Variants in ZNF175 observed in about 807,000 individuals in gnomAD.
ZNF175 encodes the protein zinc finger protein 175.
Under a neutral mutation model 14.0 loss-of-function variants are expected in ZNF175, and 8 were observed. That is an observed-to-expected ratio of 0.57 (90% CI 0.34 to 1.03). ZNF175 has a LOEUF of 1.03. Among genes scored for constraint, ZNF175 ranks in the 50% least tolerant of loss-of-function variants. The pLI is 0.03. For missense variants in ZNF175, 764 were observed against 849.5 expected, an observed-to-expected ratio of 0.90 and a Z score of 1.25; for synonymous variants, 255 against 296.8, an observed-to-expected ratio of 0.86 and a Z score of 1.45.
rs546797340 is a variant in ZNF175 at position 51,573,149 on chromosome 19, G to A, written c.-180-1G>A. On this transcript the variant is annotated splice_acceptor_variant, in intron 1 of 4. Transcript: ENST00000262259. LOFTEE classifies it low-confidence loss of function (5UTR_SPLICE). ...GACCATGTACTCATTGCTTTTCCAA[G>A]GCTTCTGCAGAACCCCCAGGTCAGG... 1 of 642,858 alleles carries A rather than the reference G, an allele frequency of 1.6e-6. No homozygotes were observed. Among genetic ancestry groups the A allele is most frequent in the East Asian group, 2.9e-5 (1 of 34,860 alleles). 39.8% of individuals were successfully genotyped at this position (642,858 alleles called of 1,614,324 possible).
intron 2 of ZNF175, among the ~76,000 whole-genome samples, chr19:51,577,895 C>A (rs1304906405): frequency 3.3e-5 from 5 of 151,252 alleles, no homozygotes; most frequent in Non-Finnish European, 7.4e-5. Context: ...AATCTCCTGA[C>A]CTCGTGATCC....
chr19:51,573,750 C>T (rs1568572151), intron 2 of ZNF175: 1 of 384,962 alleles, frequency 2.6e-6, no homozygotes, highest in Non-Finnish European at 4.5e-6. Flanking sequence ...CAAGTGGTCC[C>T]CCCCACCAAA....
At chr19:51,574,179 TAATA>T (rs974373891) in intron 2 of ZNF175, 1 of 152,224 alleles carries the variant, frequency 6.6e-6, no homozygotes, top group African/African-American at 2.4e-5. Context: ...AAAAAAAGTA[TAATA>T]AATATGTGTG....
chr19:51,573,383 G>T lies in ZNF175; in HGVS notation c.54G>T (p.Lys18Asn). Residue 18 changes from lysine (K) to asparagine (N), a missense_variant, in exon 2 of 5, where the codon AAG becomes AAT. Physicochemically the swap from Lys to Asn is moderately conservative, Grantham distance 94. Transcript: ENST00000262259. The stretch of plus-strand genomic sequence containing the variant: ...AGCCTCAGGTCCTGGGTCCAGAGAA[G>T]CAGGATGGATCTTGCGAGGTAAACA... Reference protein sequence around the residue: ...SQKPQVLGPEKQDGSCEASVS... With the variant: ...SQKPQVLGPENQDGSCEASVS... 1 of 1,612,508 alleles carries T rather than the reference G, an allele frequency of 6.2e-7. No individual in the cohort carries two copies. The highest frequency in any genetic ancestry group is 1.1e-5 in the South Asian group (1 of 90,840).
In ZNF175 at chr19:51,588,080, T is replaced by C. The variant is rs937656341; in HGVS notation, c.1749T>C (p.Gly583=). 8 of 1,613,204 alleles carry C rather than the reference T, an allele frequency of 5.0e-6. No homozygotes were observed. The highest frequency in any genetic ancestry group is 6.8e-6 in the Non-Finnish European group (8 of 1,179,828). The change falls in exon 5 of 5, where the codon GGT becomes GGC. Residue 583 remains glycine, a synonymous_variant. Coordinates refer to ENST00000262259, the MANE Select transcript of ZNF175 (RefSeq NM_007147.4). ...QFKEHQRIHT[G]EKPYVCTECG... Reference sequence around the variant, plus strand: ...AAGAGCATCAGCGAATTCACACGGGTGAGAAACCCTATGTGTGCACTGAAT... The same window carrying C: ...AAGAGCATCAGCGAATTCACACGGGCGAGAAACCCTATGTGTGCACTGAAT...
chr19:51,577,041 CAAAAAA>C (rs1471217025), intron 2 of ZNF175, among the ~76,000 whole-genome samples: 1 of 151,464 alleles, frequency 6.6e-6, no homozygotes, highest in Admixed American at 6.6e-5. Flanking sequence ...CATCCTGTCT[CAAAAAA>C]CAAAAACGAA....
rs1982315451 is a variant in ZNF175 at position 51,590,481 on chromosome 19, T to G, written c.*2014T>G. The stretch of plus-strand genomic sequence containing the variant: ...GAGATTTCTGTCAGCTGGAAGTCTT[T>G]TCCAGAAGGGTGTTAGAGATGGGCA... On this transcript the variant is annotated 3_prime_UTR_variant, in exon 5 of 5. Transcript: ENST00000262259. 6.6e-6 allele frequency: 1 copy of G among 152,262 alleles called. No homozygotes were observed. Among genetic ancestry groups the G allele is most frequent in the Non-Finnish European group, 1.5e-5 (1 of 68,110 alleles). The allele number at this position is 152,262 out of a possible 1,614,324, so 9.4% of individuals were successfully genotyped here.
In ZNF175 at chr19:51,590,591, T is replaced by A. The variant is rs547837204; in HGVS notation, c.*2124T>A. 3 of 152,330 alleles carry A rather than the reference T, an allele frequency of 2.0e-5. No homozygotes were observed. The highest frequency in any genetic ancestry group is 7.2e-5 in the African/African-American group (3 of 41,526). The allele number at this position is 152,330 out of a possible 1,614,324, so 9.4% of individuals were successfully genotyped here. ...GAACCAGCACAGACCTCAGGCTGTG[T>A]CTAAAACAAGGTGACTGCACATGCA... On this transcript the variant is annotated 3_prime_UTR_variant, in exon 5 of 5. Coordinates refer to ENST00000262259, the MANE Select transcript of ZNF175 (RefSeq NM_007147.4).
At chr19:51,571,860 C>G (rs1297919846) in intron 1 of ZNF175, among the ~76,000 whole-genome samples, 1 of 152,064 alleles carries the variant, frequency 6.6e-6, no homozygotes, top group Non-Finnish European at 1.5e-5. Flanking sequence ...TCTCAGGGGA[C>G]CAGTGATGGG....
chr19:51,581,171 T>C (rs1487498067), intron 2 of ZNF175, among the ~76,000 whole-genome samples: 1 of 151,442 alleles, frequency 6.6e-6, no homozygotes, highest in Non-Finnish European at 1.5e-5. Context: ...GGCCTCATTT[T>C]TGAAAAAAAA....
At chr19:51,573,801 G>A (rs921141018) in intron 2 of ZNF175, 2 of 309,038 alleles carry the variant, frequency 6.5e-6, no homozygotes, top group East Asian at 5.2e-5. Context: ...TTTTTCCTCT[G>A]TTCTCATAAG....
chr19:51,575,920 T>C (rs914568574), intron 2 of ZNF175, among the ~76,000 whole-genome samples: 26 of 152,348 alleles, frequency 1.7e-4, no homozygotes, highest in African/African-American at 5.8e-4. Context: ...TTTGTGATTA[T>C]GACTGTGTAA....
At chr19:51,572,836 C>T (rs1981639963) in intron 1 of ZNF175, among the ~76,000 whole-genome samples, 1 of 152,198 alleles carries the variant, frequency 6.6e-6, no homozygotes, top group Non-Finnish European at 1.5e-5. Flanking sequence ...GCCAGGCAGG[C>T]ACTGAGGACT....
Position 51,587,620 on chromosome 19 carries a change from A to T in ZNF175, c.1289A>T (p.Gln430Leu), listed in dbSNP as rs983909244. 6.2e-7 allele frequency: 1 copy of T among 1,613,668 alleles called. No homozygotes were observed. Among genetic ancestry groups the T allele is most frequent in the East Asian group, 2.2e-5 (1 of 44,834 alleles). The change falls in exon 5 of 5, where the codon CAG (glutamine) becomes CTG (leucine). Residue 430 changes from glutamine to leucine, a missense_variant. Gln to Leu is a moderately radical substitution (Grantham distance 113, BLOSUM62 -2). Transcript: ENST00000262259. ...ACSECGKAFT[Q>L]KSTLSLHQRI... ...AGTGAATGTGGGAAAGCCTTTACCCAGAAGTCAACACTCAGCTTGCACCAG... is the reference window on the plus strand; with the variant it reads ...AGTGAATGTGGGAAAGCCTTTACCCTGAAGTCAACACTCAGCTTGCACCAG...
In ZNF175 at chr19:51,588,478, C is replaced by T. The variant is rs777234260; in HGVS notation, c.*11C>T. 4 of 1,524,652 alleles carry T rather than the reference C, an allele frequency of 2.6e-6. No homozygotes were observed. The allele number at this position is 1,524,652 out of a possible 1,614,324, so 94.4% of individuals were successfully genotyped here. A position where few individuals can be genotyped will look rare whatever the true frequency, so the allele number is the denominator to read the frequency against. ...TTTACCAAGCAATGAATTCCTAGTG[C>T]ATCAGCATATTCATAAATGAAATAT... is the stretch of plus-strand genomic sequence containing the variant. On this transcript the variant is annotated 3_prime_UTR_variant, in exon 5 of 5. Coordinates refer to ENST00000262259, the MANE Select transcript of ZNF175 (RefSeq NM_007147.4).
intron 2 of ZNF175, among the ~76,000 whole-genome samples, chr19:51,578,257 A>G (rs1445115110): frequency 6.6e-6 from 1 of 151,932 alleles, no homozygotes; most frequent in African/African-American, 2.4e-5. Flanking sequence ...AAAATTAGCC[A>G]GGCATGGTGG....
At chr19:51,586,456 A>G (rs1419935494) in intron 4 of ZNF175, among the ~76,000 whole-genome samples, 171 bp from the exon 5 acceptor site, 1 of 152,238 alleles carries the variant, frequency 6.6e-6, no homozygotes, top group Non-Finnish European at 1.5e-5. Context: ...TGCTATGTAG[A>G]TAAATGCTCA....
chr19:51,588,435 A>G lies in ZNF175; in HGVS notation c.2104A>G (p.Ser702Gly). The change falls in exon 5 of 5, where the codon AGT (serine) becomes GGT (glycine). Residue 702 changes from serine (S) to glycine (G), a missense_variant. Transcript: ENST00000262259. ...THTRDKSYKC[S>G]YSVKGFTKQ Reference sequence around the variant, plus strand: ...TACCAGAGACAAATCTTACAAATGCAGTTATTCTGTGAAAGGCTTTACCAA... The same window carrying G: ...TACCAGAGACAAATCTTACAAATGCGGTTATTCTGTGAAAGGCTTTACCAA... 1 of 1,581,052 alleles carries G rather than the reference A, an allele frequency of 6.3e-7. No individual in the cohort carries two copies. The highest frequency in any genetic ancestry group is 8.6e-7 in the Non-Finnish European group (1 of 1,166,186).
rs1982231408 is a variant in ZNF175, at chr19:51,588,057, G to T, written c.1726G>T (p.Glu576Ter). The change falls in exon 5 of 5, where the codon GAG (glutamate) becomes TAG (stop). Residue 576 changes from glutamate to a stop codon, truncating the protein, a stop_gained. Transcript: ENST00000262259. LOFTEE classifies it low-confidence loss of function (END_TRUNC). The part of the protein sequence containing the change: ...KAFTSKSQFK[E>*]HQRIHTGEKP... The stretch of plus-strand genomic sequence containing the variant: ...CTTCACTTCTAAGTCTCAATTCAAA[G>T]AGCATCAGCGAATTCACACGGGTGA... 1.2e-6 allele frequency: 2 copies of T among 1,614,078 alleles called. No individual in the cohort carries two copies. The highest frequency in any genetic ancestry group is 1.7e-5 in the Admixed American group (1 of 60,006).
Sources: gnomAD v4.1 joint callset for allele counts (sites outside exome capture counted in the v4.1 genomes callset) on GRCh38, gnomAD v4.1.1 for gene constraint, MANE v1.5 for transcripts, NCBI Gene and HGNC (gene_info 2026-07-23, HGNC 2026-07-21) for gene names.